The following PODXL2 variants were observed in gnomAD, a reference collection of about 807,000 sequenced individuals.
The protein encoded by PODXL2 is podocalyxin like 2, also known as podocalyxin-like protein 2.
A neutral mutation model predicts 53.4 loss-of-function variants in PODXL2; 17 were observed. That is an observed-to-expected ratio of 0.32 (90% CI 0.22 to 0.48). The LOEUF (loss-of-function observed/expected upper bound fraction) is 0.48, where lower values mean the gene tolerates loss of function less well. PODXL2 is among the 20% of genes least tolerant of loss of function. The pLI is 0.99. For synonymous variants in PODXL2, 311 were observed against 306.7 expected, an observed-to-expected ratio of 1.01 and a Z score of -0.15; for missense variants, 673 against 760.0, an observed-to-expected ratio of 0.89 and a Z score of 1.35.
At chr3:127,647,406 C>A (rs917095590) in intron 2 of PODXL2, among the ~76,000 whole-genome samples, 2 of 152,192 alleles carry the variant, frequency 1.3e-5, no homozygotes, top group African/African-American at 4.8e-5. Context: ...ATTTTCTAAG[C>A]TCCTTAAGGA....
chr3:127,668,363 G>C, intron 4 of PODXL2, 78 bp from the exon 5 acceptor site: 1 of 1,319,544 alleles, frequency 7.6e-7, no homozygotes, highest in Non-Finnish European at 1.0e-6. Context: ...GGTGAGTACG[G>C]GGCTGGGCCT....
At chr3:127,642,875 G>A (rs1033658346) in intron 2 of PODXL2, among the ~76,000 whole-genome samples, 3 of 152,130 alleles carry the variant, frequency 2.0e-5, no homozygotes, top group African/African-American at 7.2e-5. Flanking sequence ...AATTTTTGGC[G>A]AGTAACTAAC....
At chr3:127,657,565 G>T (rs557184952) in intron 2 of PODXL2, among the ~76,000 whole-genome samples, 1 of 152,300 alleles carries the variant, frequency 6.6e-6, no homozygotes, top group African/African-American at 2.4e-5. Context: ...TCACCGCCAT[G>T]CATCTCTCCC....
intron 2 of PODXL2, among the ~76,000 whole-genome samples, chr3:127,653,556 G>T (rs1017689043): frequency 6.6e-6 from 1 of 151,954 alleles, no homozygotes. Flanking sequence ...TGAGGCAGGA[G>T]AATTGCTTGA....
Position 127,672,744 on chromosome 3 carries a change from G to T in PODXL2, c.*264G>T. The T allele has an allele frequency of 4.9e-6, 2 of 407,314 alleles. No homozygotes were observed. The allele number at this position is 407,314 out of a possible 1,614,324, so 25.2% of individuals were successfully genotyped here. A position where few individuals can be genotyped will look rare whatever the true frequency, so the allele number is the denominator to read the frequency against. Reference sequence around the variant, plus strand: ...ACCCCGGCCCCGCGGGCGGCGGGCGGCGCTTCCTGCGCCCCGGGACTCAAT... The same window carrying T: ...ACCCCGGCCCCGCGGGCGGCGGGCGTCGCTTCCTGCGCCCCGGGACTCAAT... On this transcript the variant is annotated 3_prime_UTR_variant, in exon 8 of 8. Coordinates refer to ENST00000342480, the MANE Select transcript of PODXL2 (RefSeq NM_015720.4).
chr3:127,637,207 T>A (rs2074582872), intron 1 of PODXL2, among the ~76,000 whole-genome samples: 1 of 152,152 alleles, frequency 6.6e-6, no homozygotes, highest in Non-Finnish European at 1.5e-5. Context: ...CTTCACGGGA[T>A]CTTAGAGGTT....
intron 2 of PODXL2, among the ~76,000 whole-genome samples, chr3:127,654,287 C>T (rs1275790995): frequency 2.6e-5 from 4 of 152,210 alleles, no homozygotes; most frequent in African/African-American, 9.7e-5. Flanking sequence ...GATTCAGGCT[C>T]TGCATTTTTG....
chr3:127,662,059 C>T (rs571462548), intron 3 of PODXL2, among the ~76,000 whole-genome samples, 178 bp from the exon 4 acceptor site: 3 of 152,294 alleles, frequency 2.0e-5, no homozygotes, highest in East Asian at 3.9e-4. Flanking sequence ...CAAAGACATT[C>T]GAGTTTGTAC....
At chr3:127,668,413 A>T in intron 4 of PODXL2, 28 bp from the exon 5 acceptor site, 3 of 1,497,452 alleles carry the variant, frequency 2.0e-6, no homozygotes, top group Non-Finnish European at 2.7e-6. Flanking sequence ...CCTTCACTGA[A>T]CACGGGGGGC....
chr3:127,667,443 C>T lies in PODXL2; in HGVS notation c.1207-998C>T, dbSNP rs142504435. Reference sequence around the variant, plus strand: ...TATCTGCAGCAGGCTGTGGAGGCTACGAGCAGGGAATGTGTGACTGTGCAT... The same window carrying T: ...TATCTGCAGCAGGCTGTGGAGGCTATGAGCAGGGAATGTGTGACTGTGCAT... On this transcript the variant is annotated intron_variant, in intron 4 of 7. Coordinates refer to ENST00000342480, the MANE Select transcript of PODXL2 (RefSeq NM_015720.4). Among the ~76,000 whole-genome samples the T allele has an allele frequency of 3.3e-5, 5 of 152,280 alleles. No homozygotes were observed. In the East Asian group the frequency reaches 7.7e-4, roughly 24 times the overall value.
chr3:127,639,438 G>A lies in PODXL2; in HGVS notation c.264G>A (p.Glu88=), dbSNP rs372930546. Residue 88 remains glutamate (E), a synonymous_variant, in exon 2 of 8, where the codon GAG becomes GAA. Transcript: ENST00000342480. Reference sequence around the variant, plus strand: ...GCTTCCCCAGCGAAGAGAATGAAGAGTCTCGGATTCTGCAGCCACCACAGT... The same window carrying A: ...GCTTCCCCAGCGAAGAGAATGAAGAATCTCGGATTCTGCAGCCACCACAGT... ...GSGFPSEENE[E]SRILQPPQYF... is the part of the protein sequence containing the mutation. The A allele has an allele frequency of 6.2e-7, 1 of 1,614,282 alleles. No individual in the cohort carries two copies. The highest frequency in any genetic ancestry group is 8.5e-7 in the Non-Finnish European group (1 of 1,180,048).
chr3:127,669,802 C>G (rs991975416), intron 6 of PODXL2, among the ~76,000 whole-genome samples: 17 of 152,222 alleles, frequency 1.1e-4, no homozygotes, highest in Non-Finnish European at 2.2e-4. Flanking sequence ...ATCAACCTCT[C>G]CTACCCAGCT....
chr3:127,633,261 T>C (rs915448639), intron 1 of PODXL2, among the ~76,000 whole-genome samples: 1 of 152,252 alleles, frequency 6.6e-6, no homozygotes, highest in Non-Finnish European at 1.5e-5. Flanking sequence ...CTGTTTTACA[T>C]ATTCTCTTCC....
At chr3:127,652,969 TCTCTCCTCC>T (rs1215672504) in intron 2 of PODXL2, among the ~76,000 whole-genome samples, 1 of 152,058 alleles carries the variant, frequency 6.6e-6, no homozygotes, top group African/African-American at 2.4e-5. Flanking sequence ...ATGTGTCCCC[TCTCTCCTCC>T]CTCTCCTCTT....
Position 127,629,301 on chromosome 3 carries a change from C to T in PODXL2, c.70+12C>T, listed in dbSNP as rs1178037644. 2.9e-6 allele frequency: 3 copies of T among 1,018,046 alleles called. No homozygotes were observed. Among genetic ancestry groups the T allele is most frequent in the African/African-American group, 3.5e-5 (2 of 57,230 alleles). 63.1% of individuals were successfully genotyped at this position (1,018,046 alleles called of 1,614,324 possible). Reference sequence around the variant, plus strand: ...TCTGCTGGTTGGGGGTGAGTGCGCTCCGGGCCCGAGCGCGGGAGGGCGGGC... The same window carrying T: ...TCTGCTGGTTGGGGGTGAGTGCGCTTCGGGCCCGAGCGCGGGAGGGCGGGC... On this transcript the variant is annotated intron_variant, in intron 1 of 7. Transcript: ENST00000342480. This position sits in a 1 kb window ranked among gnomAD's most constrained non-coding sequence, Gnocchi z 6.4.
At chr3:127,631,810 A>G (rs1258506886) in intron 1 of PODXL2, among the ~76,000 whole-genome samples, 2 of 152,236 alleles carry the variant, frequency 1.3e-5, no homozygotes, top group Non-Finnish European at 2.9e-5. Context: ...ATCAAGTTCT[A>G]TGTAAAGACA....
chr3:127,631,108 C>T (rs918114034), intron 1 of PODXL2, among the ~76,000 whole-genome samples: 1 of 152,214 alleles, frequency 6.6e-6, no homozygotes, highest in Non-Finnish European at 1.5e-5. Context: ...TGTGTGGAAG[C>T]CCTTCAGGGA....
chr3:127,662,024 C>T (rs1240130081), intron 3 of PODXL2, among the ~76,000 whole-genome samples: 1 of 152,236 alleles, frequency 6.6e-6, no homozygotes, highest in Non-Finnish European at 1.5e-5. Context: ...CCTCCTCTCA[C>T]TCAATACATT....
At chr3:127,658,665 G>A (rs2074741121) in intron 2 of PODXL2, among the ~76,000 whole-genome samples, 1 of 151,980 alleles carries the variant, frequency 6.6e-6, no homozygotes, top group African/African-American at 2.4e-5. Context: ...TCTGTTTCTT[G>A]TTCCTTTACA....
Sources: allele counts gnomAD v4.1 joint callset (sites outside exome capture counted in the v4.1 genomes callset), GRCh38; gene constraint gnomAD v4.1.1; non-coding constraint Gnocchi (gnomAD v3.1); transcripts MANE v1.5; gene names NCBI Gene and HGNC (gene_info 2026-07-23, HGNC 2026-07-21).